Variants in VPS13A observed in about 807,000 individuals in gnomAD.
VPS13A encodes intermembrane lipid transfer protein VPS13A.
VPS13A carries 264 observed loss-of-function variants against 390.9 expected under a neutral mutation model. The ratio of observed to expected loss-of-function variants is 0.68; its 90% CI spans 0.61 to 0.75. The LOEUF (loss-of-function observed/expected upper bound fraction) is 0.75, where lower values mean the gene tolerates loss of function less well. VPS13A is among the 30% of genes least tolerant of loss of function. The pLI, the probability that VPS13A is intolerant of heterozygous loss-of-function variation, is 0.00. For synonymous variants in VPS13A, 1,231 were observed against 1,227.1 expected, an observed-to-expected ratio of 1.00 and a Z score of -0.07; for missense variants, 3,409 against 3,733.9, an observed-to-expected ratio of 0.91 and a Z score of 2.27.
At chr9:77,381,587 T>TA (rs949194282) in intron 67 of VPS13A, among the ~76,000 whole-genome samples, 29 of 147,280 alleles carry the variant, frequency 2.0e-4, no homozygotes, top group East Asian at 3.9e-4. Flanking sequence ...AGGGGTGCTT[T>TA]AAAAAAAAAA....
chr9:77,242,767 C>A (rs1159884878), intron 19 of VPS13A, among the ~76,000 whole-genome samples: 4 of 151,808 alleles, frequency 2.6e-5, no homozygotes, highest in Non-Finnish European at 5.9e-5. Context: ...TTTACCTCAA[C>A]TTTTATTACT....
intron 46 of VPS13A, among the ~76,000 whole-genome samples, chr9:77,334,587 T>G (rs116281480): frequency 0.017 from 2,566 of 152,234 alleles, 68 homozygotes; most frequent in African/African-American, 0.059. Flanking sequence ...TCTAAACATA[T>G]GTTTTTTGGT....
At chr9:77,311,665 A>T (rs1337439912) in intron 35 of VPS13A, among the ~76,000 whole-genome samples, 3 of 152,228 alleles carry the variant, frequency 2.0e-5, no homozygotes, top group Non-Finnish European at 2.9e-5. Context: ...TTGGTAAATG[A>T]TAAGATATGA....
intron 45 of VPS13A, among the ~76,000 whole-genome samples, chr9:77,328,829 A>G (rs755766455): frequency 1.3e-5 from 2 of 152,174 alleles, no homozygotes; most frequent in African/African-American, 2.4e-5. Context: ...CCGTTTTCAT[A>G]CTGCTGTAAA....
Position 77,353,559 on chromosome 9 carries a change from A to G in VPS13A, c.7570A>G (p.Ile2524Val), listed in dbSNP as rs149242261. Residue 2524 changes from isoleucine (I) to valine (V), a missense_variant, in exon 54 of 72, where the codon ATT (isoleucine) becomes GTT (valine). Transcript: ENST00000360280. The stretch of plus-strand genomic sequence containing the variant: ...GAAAGCAGAGTTAGCAGAGCAAGAA[A>G]TTGCAGTGGCATTACAAGATGTTGG... ...SEKAELAEQEIAVALQDVGIS... is the reference protein window; with the variant it reads ...SEKAELAEQEVAVALQDVGIS... The G allele has an allele frequency of 1.4e-5, 23 of 1,613,466 alleles. No individual in the cohort carries two copies. The African/African-American group carries it at 2.7e-4, about 19-fold the overall frequency.
Position 77,315,209 on chromosome 9 carries a change from C to G in VPS13A, c.4413-44C>G, listed in dbSNP as rs377250650. ...GTTTTACTCATATGTTTGATTACTT[C>G]TAAGTTACTCATACATAGGAATTGT... On this transcript the variant is annotated intron_variant, in intron 37 of 71. Transcript: ENST00000360280. The G allele has an allele frequency of 1.2e-3, 1,788 of 1,537,378 alleles. 35 individuals carry two copies. The South Asian group carries it at 0.018, about 16-fold the overall frequency.
rs1235656822 is a variant in VPS13A, at chr9:77,420,532, A to G, written c.*4526A>G. 3 of 152,088 alleles carry G rather than the reference A, an allele frequency of 2.0e-5. No homozygotes were observed. The highest frequency in any genetic ancestry group is 2.9e-5 in the Non-Finnish European group (2 of 68,014). 9.4% of individuals were successfully genotyped at this position (152,088 alleles called of 1,614,324 possible). ...AAGCTATACAAGAAATATAACTTCA[A>G]TTTTTTAGGTTGATATGGGTATATT... On this transcript the variant is annotated 3_prime_UTR_variant, in exon 72 of 72. Transcript: ENST00000360280.
chr9:77,283,836 G>T (rs1827179319), intron 31 of VPS13A, among the ~76,000 whole-genome samples, 186 bp downstream of exon 31: 1 of 152,090 alleles, frequency 6.6e-6, no homozygotes, highest in Non-Finnish European at 1.5e-5. Context: ...CCATTAGCAG[G>T]TTACCTAATC....
chr9:77,276,914 T>G (rs528447024), intron 26 of VPS13A, among the ~76,000 whole-genome samples: 3 of 152,210 alleles, frequency 2.0e-5, no homozygotes, highest in Non-Finnish European at 4.4e-5. Flanking sequence ...ACCTTTAACC[T>G]TAACCTTAAT....
chr9:77,258,361 A>G (rs915271515), intron 22 of VPS13A, among the ~76,000 whole-genome samples: 1 of 152,174 alleles, frequency 6.6e-6, no homozygotes, highest in African/African-American at 2.4e-5. Context: ...GCCTTTTCCT[A>G]TATGGTACAT....
rs775032683 is a variant in VPS13A, at chr9:77,314,071, C to T, written c.4194C>T (p.Phe1398=). 8 of 1,613,136 alleles carry T rather than the reference C, an allele frequency of 5.0e-6. No homozygotes were observed. The highest frequency in any genetic ancestry group is 1.1e-5 in the South Asian group (1 of 91,030). ...LLVKTTLNIS[F]KTDDLTMVLY... Reference sequence around the variant, plus strand: ...TTAAGACAACACTAAACATAAGCTTCAAAACTGATGATCTCACCATGGTGC... The same window carrying T: ...TTAAGACAACACTAAACATAAGCTTTAAAACTGATGATCTCACCATGGTGC... Residue 1398 remains phenylalanine (F), a synonymous_variant, in exon 36 of 72, where the codon TTC becomes TTT. Transcript: ENST00000360280.
intron 42 of VPS13A, among the ~76,000 whole-genome samples, 181 bp downstream of exon 42, chr9:77,319,854 A>G (rs973408494): frequency 5.3e-5 from 8 of 152,048 alleles, no homozygotes; most frequent in African/African-American, 1.9e-4. Flanking sequence ...TCATCAACGT[A>G]TATTTGAAGA....
Position 77,369,230 on chromosome 9 carries a change from T to G in VPS13A, c.8554-69T>G, listed in dbSNP as rs1832610413. The G allele has an allele frequency of 2.4e-6, 3 of 1,265,616 alleles. No individual in the cohort carries two copies. The South Asian group carries it at 3.6e-5, about 15-fold the overall frequency. The allele number at this position is 1,265,616 out of a possible 1,614,324, so 78.4% of individuals were successfully genotyped here. On this transcript the variant is annotated intron_variant, in intron 62 of 71. Transcript: ENST00000360280. The stretch of plus-strand genomic sequence containing the variant: ...TGGCCTGAGAAAACTGGGCGTGTGT[T>G]TTAAATAATGTATAAGAAAAAATAG...
chr9:77,206,145 T>A, intron 5 of VPS13A, 66 bp downstream of exon 5: 1 of 1,075,058 alleles, frequency 9.3e-7, no homozygotes, highest in Non-Finnish European at 1.4e-6. Context: ...TTTATCATAA[T>A]TGAATATTAT....
chr9:77,308,227 T>C, intron 35 of VPS13A, 129 bp downstream of exon 35: 1 of 1,068,704 alleles, frequency 9.4e-7, no homozygotes, highest in South Asian at 1.5e-5. Context: ...CCTTCTTTCT[T>C]TCCTTCTTTT....
chr9:77,177,914 C>A, intron 1 of VPS13A, 110 bp downstream of exon 1: 1 of 946,880 alleles, frequency 1.1e-6, no homozygotes, highest in Non-Finnish European at 1.6e-6. Context: ...TCGCCGGGTG[C>A]AGCCACCTGC....
intron 52 of VPS13A, among the ~76,000 whole-genome samples, chr9:77,345,958 AATAAT>A (rs1831126242): frequency 6.6e-6 from 1 of 152,116 alleles, no homozygotes; most frequent in Non-Finnish European, 1.5e-5. Flanking sequence ...ATATTATAAA[AATAAT>A]AAGTTGTTTC....
At chr9:77,223,732 G>A (rs1225780092) in intron 13 of VPS13A, among the ~76,000 whole-genome samples, 3 of 152,098 alleles carry the variant, frequency 2.0e-5, no homozygotes, top group Non-Finnish European at 4.4e-5. Context: ...AAAGTATAAG[G>A]CAAAGAAGAA....
intron 22 of VPS13A, 43 bp from the exon 23 acceptor site, chr9:77,260,043 A>G (rs1825668501): frequency 7.8e-7 from 1 of 1,277,162 alleles, no homozygotes; most frequent in Non-Finnish European, 1.1e-6. Flanking sequence ...CTTAAATCAG[A>G]ATAATTCCTT....
Sources: gnomAD v4.1 joint callset for allele counts (sites outside exome capture counted in the v4.1 genomes callset) on GRCh38, gnomAD v4.1.1 for gene constraint, MANE v1.5 for transcripts, NCBI Gene and HGNC (gene_info 2026-07-23, HGNC 2026-07-21) for gene names.